Variants in ADGRL3 observed in about 807,000 individuals in gnomAD.
ADGRL3 encodes calcium-independent alpha-latrotoxin receptor 3.
ADGRL3 carries 62 observed loss-of-function variants against 153.5 expected under a neutral mutation model. The observed-to-expected ratio is 0.40, with a 90% CI of 0.33 to 0.50. The LOEUF is 0.50. Ranked by LOEUF, ADGRL3 falls within the 20% of genes least tolerant of loss-of-function variation. ADGRL3 has a pLI of 0.47. For synonymous variants in ADGRL3, 710 were observed against 672.5 expected (o/e 1.06, Z -0.86); for missense variants, 1,641 against 1,859.4 (o/e 0.88, Z 2.16).
At chr4:61,283,025 A>G (rs6835742) in intron 1 of ADGRL3, among the ~76,000 whole-genome samples, 124,676 of 151,830 alleles carry the variant, frequency 0.82, 51,341 homozygotes, top group Admixed American at 0.87. Flanking sequence ...AGCCTTTTTT[A>G]TTTGATCATG....
intron 1 of ADGRL3, among the ~76,000 whole-genome samples, chr4:61,326,091 C>A (rs2095458356): frequency 6.6e-6 from 1 of 152,108 alleles, no homozygotes; most frequent in South Asian, 2.1e-4. Flanking sequence ...CAAATAAAAT[C>A]TGACCTCTTG....
At chr4:61,451,896 G>A (rs1578936219) in intron 2 of ADGRL3, among the ~76,000 whole-genome samples, 1 of 152,152 alleles carries the variant, frequency 6.6e-6, no homozygotes, top group African/African-American at 2.4e-5. Flanking sequence ...TGATAACAGA[G>A]AGACCAGATA....
At position 61,948,270 on chromosome 4, in the gene ADGRL3, A is replaced by T. The variant is rs1298519280; in HGVS notation, c.2799A>T (p.Glu933Asp). 7.4e-6 allele frequency: 12 copies of T among 1,612,166 alleles called. No homozygotes were observed. Among genetic ancestry groups the T allele is most frequent in the Non-Finnish European group, 1.0e-5 (12 of 1,178,412 alleles). Residue 933 changes from glutamate to aspartate, a missense_variant, in exon 17 of 27, where the codon GAA becomes GAT. Around this residue, in one of 5 missense-constraint regions of ADGRL3, gnomAD observed 734 missense variants for 797.0 expected, o/e 0.92. Coordinates refer to ENST00000683033, the MANE Select transcript of ADGRL3 (RefSeq NM_001387552.1). The part of the protein sequence containing the change: ...TNFAVLMAHV[E>D]VKHSDAVHDL... The stretch of plus-strand genomic sequence containing the variant: ...TTGCAGTACTGATGGCACATGTGGA[A>T]GTTAAGGTAAGATATATACCATACA...
intron 4 of ADGRL3, among the ~76,000 whole-genome samples, chr4:61,582,329 G>T (rs138866789): frequency 0.011 from 1,655 of 152,048 alleles, 27 homozygotes; most frequent in African/African-American, 0.038. Context: ...TTATCCTGGT[G>T]CTCTCCCTCC....
chr4:61,753,917 T>C (rs10013153), intron 8 of ADGRL3, among the ~76,000 whole-genome samples: 88,157 of 152,020 alleles, frequency 0.58, 27,993 homozygotes, highest in African/African-American at 0.83. Flanking sequence ...GAGGCTAGGA[T>C]ACCAAGCCAA....
chr4:61,971,752 G>T (rs1285745502), intron 17 of ADGRL3, among the ~76,000 whole-genome samples: 1 of 152,118 alleles, frequency 6.6e-6, no homozygotes. Flanking sequence ...CACAATGGTT[G>T]AACTAGTTTA....
At chr4:61,759,769 T>G in intron 8 of ADGRL3, among the ~76,000 whole-genome samples, 1 of 152,224 alleles carries the variant, frequency 6.6e-6, no homozygotes, top group East Asian at 1.9e-4. Flanking sequence ...GTTTCCAGTT[T>G]TTCTACTCTG....
intron 13 of ADGRL3, among the ~76,000 whole-genome samples, chr4:61,918,465 A>G (rs1212152390): frequency 2.6e-5 from 4 of 152,188 alleles, no homozygotes; most frequent in Admixed American, 6.5e-5. Flanking sequence ...TTTGAAATCA[A>G]TGTTCTAGAT....
Position 61,668,553 on chromosome 4 carries a change from G to A in ADGRL3, c.474-8273G>A, listed in dbSNP as rs141473153. On this transcript the variant is annotated intron_variant, in intron 5 of 26. Coordinates refer to ENST00000683033, the MANE Select transcript of ADGRL3 (RefSeq NM_001387552.1). ...CTGGATTCAAATTATATTTCTTTAA[G>A]GTAAAGGAATGTTATTGAAGTAACA... Among the ~76,000 whole-genome samples, 25 of 152,102 alleles carry A rather than the reference G, an allele frequency of 1.6e-4. No individual in the cohort carries two copies. In the East Asian group the frequency reaches 4.8e-3, roughly 29 times the overall value.
chr4:61,640,555 C>T (rs2093619644), intron 5 of ADGRL3, among the ~76,000 whole-genome samples: 1 of 152,092 alleles, frequency 6.6e-6, no homozygotes, highest in Non-Finnish European at 1.5e-5. Flanking sequence ...ATATCCGTCT[C>T]TTCTCTGTGG....
chr4:62,024,727 G>C (rs529030293), intron 21 of ADGRL3, among the ~76,000 whole-genome samples: 55 of 152,084 alleles, frequency 3.6e-4, no homozygotes, highest in Middle Eastern at 6.8e-3. Context: ...TCAGGAGTTT[G>C]AGACCAGTCT....
intron 1 of ADGRL3, among the ~76,000 whole-genome samples, chr4:61,279,762 C>T (rs975929853): frequency 1.1e-4 from 17 of 152,040 alleles, no homozygotes; most frequent in Non-Finnish European, 7.4e-5. Flanking sequence ...CCTCATCCAC[C>T]GCCATGCCCC....
At chr4:62,028,970 G>A in intron 22 of ADGRL3, 89 bp downstream of exon 22, 1 of 1,164,570 alleles carries the variant, frequency 8.6e-7, no homozygotes, top group Non-Finnish European at 1.2e-6. Flanking sequence ...AATCATTAGA[G>A]CTTCTGTCAT....
At position 61,797,779 on chromosome 4, in the gene ADGRL3, C is replaced by T. The variant is rs1360008203; in HGVS notation, c.1400-16030C>T. Among the ~76,000 whole-genome samples the T allele has an allele frequency of 6.2e-4, 95 of 152,086 alleles. 3 individuals are homozygous for T. Among genetic ancestry groups the T allele is most frequent in the Admixed American group, 6.2e-3 (95 of 15,266 alleles). ...CTATCATGTCAATGAATTCCCAGTT[C>T]TTAATGGATTGGTTAATTTTCTCCT... On this transcript the variant is annotated intron_variant, in intron 8 of 26. Transcript: ENST00000683033.
intron 9 of ADGRL3, among the ~76,000 whole-genome samples, chr4:61,829,709 G>T (rs1430320248): frequency 6.6e-6 from 1 of 152,172 alleles, no homozygotes; most frequent in African/African-American, 2.4e-5. Flanking sequence ...TTTAAAAAAA[G>T]AACTTCTCCA....
At chr4:62,005,999 C>CATATATAT (rs1276087983) in intron 21 of ADGRL3, among the ~76,000 whole-genome samples, 1 of 82,614 alleles carries the variant, frequency 1.2e-5, no homozygotes, top group African/African-American at 4.5e-5. Flanking sequence ...CACACACACA[C>CATATATAT]ACACATATAT....
At chr4:62,012,521 C>T (rs1216681703) in intron 21 of ADGRL3, among the ~76,000 whole-genome samples, 2 of 152,120 alleles carry the variant, frequency 1.3e-5, no homozygotes, top group Non-Finnish European at 2.9e-5. Flanking sequence ...GTGCCAGAAC[C>T]AGGATTTCAA....
intron 1 of ADGRL3, among the ~76,000 whole-genome samples, chr4:61,240,064 G>A (rs1025677782): frequency 1.3e-5 from 2 of 152,018 alleles, no homozygotes; most frequent in South Asian, 2.1e-4. Context: ...CTTATTGCTC[G>A]CAGTTCTGGA....
intron 5 of ADGRL3, among the ~76,000 whole-genome samples, chr4:61,621,211 T>C (rs1231180478): frequency 6.6e-6 from 1 of 152,180 alleles, no homozygotes; most frequent in African/African-American, 2.4e-5. Context: ...CTAGCTTCAT[T>C]TTTTATCTGT....
Sources: gnomAD v4.1 joint callset for allele counts (sites outside exome capture counted in the v4.1 genomes callset) on GRCh38, gnomAD v4.1.1 for gene constraint, gnomAD v4.1.1 regional missense constraint, MANE v1.5 for transcripts, NCBI Gene and HGNC (gene_info 2026-07-23, HGNC 2026-07-21) for gene names.